The following GABRA1 variants were observed in gnomAD, a reference collection of about 807,000 sequenced individuals.
GABRA1 encodes gamma-aminobutyric acid type A receptor subunit alpha1.
A neutral mutation model predicts 48.9 loss-of-function variants in GABRA1; 9 were observed. That is an observed-to-expected ratio of 0.18 (90% CI 0.11 to 0.32). The LOEUF (loss-of-function observed/expected upper bound fraction) is 0.32. Among genes scored for constraint, GABRA1 ranks in the 10% least tolerant of loss-of-function variants. GABRA1 has a pLI of 1.00. For missense variants in GABRA1, 285 were observed against 553.8 expected (o/e 0.51, Z 4.87); for synonymous variants, 210 against 198.7 (o/e 1.06, Z -0.48).
intron 5 of GABRA1, among the ~76,000 whole-genome samples, chr5:161,874,807 A>G (rs1258669290): frequency 1.3e-5 from 2 of 152,122 alleles, no homozygotes; most frequent in East Asian, 1.9e-4. Context: ...CATATGAAGG[A>G]CATGAATATC....
chr5:161,856,971 C>T (rs1172610609), intron 3 of GABRA1, among the ~76,000 whole-genome samples: 1 of 150,780 alleles, frequency 6.6e-6, no homozygotes, highest in African/African-American at 2.4e-5. Context: ...TATTCATCTA[C>T]CATGAATTTT....
intron 6 of GABRA1, among the ~76,000 whole-genome samples, chr5:161,881,348 G>GA (rs1170537355): frequency 6.6e-6 from 1 of 152,112 alleles, no homozygotes; most frequent in East Asian, 1.9e-4. Flanking sequence ...CTAGAAATCA[G>GA]AAAAGGTATG....
chr5:161,849,019 A>T (rs1757333229), intron 1 of GABRA1: 4 of 455,084 alleles, frequency 8.8e-6, no homozygotes, highest in Non-Finnish European at 1.8e-5. Flanking sequence ...AGTCTTTGAT[A>T]TGGATGGCAT....
rs566599627 is a variant in GABRA1, at chr5:161,868,885, T to G, written c.255+3097T>G. ...TGTGATTATAATCTACATTTTATATTTTACATTTGGTCAAATATCAGGAAT... is the reference window on the plus strand; with the variant it reads ...TGTGATTATAATCTACATTTTATATGTTACATTTGGTCAAATATCAGGAAT... On this transcript the variant is annotated intron_variant, in intron 4 of 9. Coordinates refer to ENST00000393943, the MANE Select transcript of GABRA1 (RefSeq NM_001127644.2). Among the ~76,000 whole-genome samples, 15 of 152,284 alleles carry G rather than the reference T, an allele frequency of 9.9e-5. No individual in the cohort carries two copies. In the East Asian group the frequency reaches 2.9e-3, roughly 29 times the overall value.
intron 3 of GABRA1, among the ~76,000 whole-genome samples, chr5:161,860,537 A>C (rs1044631338): frequency 6.6e-6 from 1 of 151,816 alleles, no homozygotes. Context: ...AAAGTACAAA[A>C]AAGTAGGAAA....
intron 6 of GABRA1, among the ~76,000 whole-genome samples, chr5:161,880,824 A>T (rs1172850265): frequency 6.6e-6 from 1 of 152,166 alleles, no homozygotes; most frequent in Non-Finnish European, 1.5e-5. Flanking sequence ...TTCATGTAAA[A>T]AAGCAACTAT....
intron 4 of GABRA1, among the ~76,000 whole-genome samples, chr5:161,872,601 G>T (rs80160310): frequency 1.3e-5 from 2 of 151,678 alleles, no homozygotes; most frequent in Non-Finnish European, 2.9e-5. Flanking sequence ...TGTTTATTTC[G>T]CCAAAAAAAG....
intron 9 of GABRA1, among the ~76,000 whole-genome samples, chr5:161,896,112 C>T (rs1356128152): frequency 6.6e-6 from 1 of 152,086 alleles, no homozygotes; most frequent in Admixed American, 6.5e-5. Context: ...CATTTCTAGT[C>T]AAATAGGCTT....
intron 7 of GABRA1, among the ~76,000 whole-genome samples, chr5:161,890,485 A>G (rs1755039180): frequency 1.3e-5 from 2 of 152,060 alleles, no homozygotes; most frequent in Non-Finnish European, 2.9e-5. Flanking sequence ...CTTCTTCAGT[A>G]GGTATTGTGG....
chr5:161,853,074 A>G (rs1192046593), intron 2 of GABRA1, among the ~76,000 whole-genome samples: 1 of 151,870 alleles, frequency 6.6e-6, no homozygotes, highest in East Asian at 1.9e-4. Context: ...TTGCTTTTGT[A>G]CTCAAGGTCA....
intron 4 of GABRA1, among the ~76,000 whole-genome samples, chr5:161,871,949 C>T (rs1484349004): frequency 6.6e-6 from 1 of 152,154 alleles, no homozygotes; most frequent in African/African-American, 2.4e-5. Context: ...TCAGCCTTCA[C>T]CCAGTATTGC....
Position 161,899,179 on chromosome 5 carries a change from A to C in GABRA1, c.*1757A>C, listed in dbSNP as rs151076324. ...TTGCCAAATAAGACAGTTGGGATCC[A>C]AACCCAAGTCTTGAGCAATGTTTTT... On this transcript the variant is annotated 3_prime_UTR_variant, in exon 10 of 10. Transcript: ENST00000393943. 3.1e-4 allele frequency: 47 copies of C among 152,706 alleles called. No individual in the cohort carries two copies. Among genetic ancestry groups the C allele is most frequent in the African/African-American group, 9.9e-4 (41 of 41,568 alleles). 9.5% of individuals were successfully genotyped at this position (152,706 alleles called of 1,614,324 possible).
chr5:161,866,075 T>C lies in GABRA1; in HGVS notation c.255+287T>C, dbSNP rs145186509. Among the ~76,000 whole-genome samples, 265 of 152,208 alleles carry C rather than the reference T, an allele frequency of 1.7e-3. 1 individual carries two copies. The highest frequency in any genetic ancestry group is 6.2e-3 in the African/African-American group (256 of 41,554). On this transcript the variant is annotated intron_variant, in intron 4 of 9. Coordinates refer to ENST00000393943, the MANE Select transcript of GABRA1 (RefSeq NM_001127644.2). ...GCCTTGGTTAATACCCCACAAGCCA[T>C]ACAGTATGAGTTATGTTTCATTTTA...
intron 7 of GABRA1, among the ~76,000 whole-genome samples, chr5:161,885,186 A>G (rs1754790190): frequency 6.6e-6 from 1 of 152,052 alleles, no homozygotes; most frequent in African/African-American, 2.4e-5. Context: ...GTACGTTTCA[A>G]CTCCACAGTA....
intron 5 of GABRA1, among the ~76,000 whole-genome samples, chr5:161,874,224 G>A (rs1390079331): frequency 6.6e-6 from 1 of 151,988 alleles, no homozygotes; most frequent in Non-Finnish European, 1.5e-5. Context: ...TTTGCCTTTG[G>A]AGAAAGCTGC....
At chr5:161,850,698 C>A in intron 1 of GABRA1, 98 bp from the exon 2 acceptor site, 1 of 968,564 alleles carries the variant, frequency 1.0e-6, no homozygotes, top group Non-Finnish European at 1.7e-6. Flanking sequence ...CATTTCCTGA[C>A]TTCAAAGCAT....
At chr5:161,876,196 T>C (rs182957272) in intron 6 of GABRA1, among the ~76,000 whole-genome samples, 174 of 152,032 alleles carry the variant, frequency 1.1e-3, no homozygotes, top group African/African-American at 4.1e-3. Context: ...TATATATATA[T>C]ATATTAGTGC....
chr5:161,886,032 C>G (rs1339764598), intron 7 of GABRA1, among the ~76,000 whole-genome samples: 3 of 152,028 alleles, frequency 2.0e-5, no homozygotes, highest in Non-Finnish European at 2.9e-5. Flanking sequence ...CTAATACTCA[C>G]AAAAATCCTA....
At position 161,863,403 on chromosome 5, in the gene GABRA1, A is replaced by G. The variant is rs573805860; in HGVS notation, c.188-2318A>G. ...TTGATGAGGGCCTCAGGAATTTCCA[A>G]TCATGGTGGAAGGTGAAAGGGGAGC... On this transcript the variant is annotated intron_variant, in intron 3 of 9. Transcript: ENST00000393943. Among the ~76,000 whole-genome samples, 16 of 152,068 alleles carry G rather than the reference A, an allele frequency of 1.1e-4. No homozygotes were observed. The South Asian group carries it at 1.9e-3, about 18-fold the overall frequency.
Sources: gnomAD v4.1 joint callset for allele counts (sites outside exome capture counted in the v4.1 genomes callset) on GRCh38, gnomAD v4.1.1 for gene constraint, MANE v1.5 for transcripts, NCBI Gene and HGNC (gene_info 2026-07-23, HGNC 2026-07-21) for gene names.